The following ARHGEF3 variants were observed in gnomAD, a reference collection of about 807,000 sequenced individuals.
The protein encoded by ARHGEF3 is Rho guanine nucleotide exchange factor 3.
ARHGEF3 carries 28 observed loss-of-function variants against 63.2 expected under a neutral mutation model. The observed-to-expected ratio is 0.44, with a 90% CI of 0.33 to 0.61. The LOEUF (loss-of-function observed/expected upper bound fraction) is 0.61, where lower values mean the gene tolerates loss of function less well. Ranked by LOEUF, ARHGEF3 falls within the 20% of genes least tolerant of loss-of-function variation. The pLI, the probability that ARHGEF3 is intolerant of heterozygous loss-of-function variation, is 0.03. For synonymous variants in ARHGEF3, 266 were observed against 254.2 expected (o/e 1.05, Z -0.44); for missense variants, 533 against 659.3 (o/e 0.81, Z 2.10).
At chr3:56,842,878 T>C (rs1277545241) in intron 4 of ARHGEF3, among the ~76,000 whole-genome samples, 1 of 152,192 alleles carries the variant, frequency 6.6e-6, no homozygotes, top group Non-Finnish European at 1.5e-5. Context: ...TAGTTCATCC[T>C]TTTCTTTATT....
chr3:56,815,209 T>C (rs2038225870), intron 4 of ARHGEF3, among the ~76,000 whole-genome samples: 1 of 151,832 alleles, frequency 6.6e-6, no homozygotes, highest in African/African-American at 2.4e-5. Flanking sequence ...ATTAAGTCTG[T>C]GGTCTTGGGC....
intron 8 of ARHGEF3, among the ~76,000 whole-genome samples, chr3:56,735,479 T>G (rs1410532452): frequency 1.3e-5 from 2 of 152,100 alleles, no homozygotes; most frequent in African/African-American, 2.4e-5. Flanking sequence ...CTATCTTTGT[T>G]CTCAAAAATC....
intron 2 of ARHGEF3, among the ~76,000 whole-genome samples, chr3:56,994,038 T>C (rs531115057): frequency 2.8e-4 from 24 of 85,630 alleles, no homozygotes; most frequent in African/African-American, 1.1e-3. Context: ...CACTCCAGCC[T>C]GGGCGACAAG....
intron 3 of ARHGEF3, among the ~76,000 whole-genome samples, chr3:56,939,597 T>C (rs1481034365): frequency 6.6e-6 from 1 of 152,194 alleles, no homozygotes; most frequent in Non-Finnish European, 1.5e-5. Context: ...ATTATTTTGA[T>C]TCATCCCGAG....
intron 1 of ARHGEF3, among the ~76,000 whole-genome samples, chr3:57,042,792 G>T (rs1434911916): frequency 6.8e-6 from 1 of 147,374 alleles, no homozygotes; most frequent in Non-Finnish European, 1.5e-5. Flanking sequence ...TGCCTCCTGG[G>T]TTCAGGCCAT....
intron 4 of ARHGEF3, among the ~76,000 whole-genome samples, chr3:56,846,322 G>C (rs77702453): frequency 0.029 from 4,479 of 152,274 alleles, 213 homozygotes; most frequent in African/African-American, 0.1. Flanking sequence ...GAGGAAATAG[G>C]TATTGAATTG....
intron 4 of ARHGEF3, among the ~76,000 whole-genome samples, chr3:56,829,442 G>T (rs1165465956): frequency 1.3e-5 from 2 of 152,156 alleles, no homozygotes; most frequent in African/African-American, 4.8e-5. Context: ...ATTTGGCCCA[G>T]GTTGTTCAAA....
At chr3:56,878,625 G>T (rs2040670186) in intron 4 of ARHGEF3, among the ~76,000 whole-genome samples, 1 of 152,114 alleles carries the variant, frequency 6.6e-6, no homozygotes, top group South Asian at 2.1e-4. Context: ...AGGGGTCTTG[G>T]CTGGGATCCA....
At chr3:57,030,897 C>A (rs1404943944) in intron 2 of ARHGEF3, among the ~76,000 whole-genome samples, 1 of 152,192 alleles carries the variant, frequency 6.6e-6, no homozygotes, top group Non-Finnish European at 1.5e-5. Context: ...ACAATAAAGT[C>A]ATTTGGTTAA....
intron 2 of ARHGEF3, among the ~76,000 whole-genome samples, chr3:57,027,397 C>T (rs2107189390): frequency 6.6e-6 from 1 of 152,284 alleles, no homozygotes; most frequent in East Asian, 1.9e-4. Flanking sequence ...CAGTGGACTG[C>T]CTGGGATGAA....
intron 3 of ARHGEF3, among the ~76,000 whole-genome samples, chr3:56,946,769 A>G (rs1023657875): frequency 2.0e-5 from 3 of 152,224 alleles, no homozygotes; most frequent in Admixed American, 6.5e-5. Flanking sequence ...TTCAGGAAAC[A>G]CAGACAATGT....
chr3:56,911,111 A>T (rs2041842212), intron 3 of ARHGEF3, among the ~76,000 whole-genome samples: 1 of 152,086 alleles, frequency 6.6e-6, no homozygotes, highest in African/African-American at 2.4e-5. Flanking sequence ...CCAGAACTTG[A>T]TCCTCAGATT....
chr3:56,868,174 GA>G (rs1316860100), intron 4 of ARHGEF3, among the ~76,000 whole-genome samples: 8 of 152,028 alleles, frequency 5.3e-5, no homozygotes, highest in African/African-American at 1.9e-4. Context: ...ATGTTTCTTT[GA>G]AACTCAATGC....
chr3:56,739,363 A>G (rs2033853919), intron 7 of ARHGEF3, among the ~76,000 whole-genome samples: 1 of 151,584 alleles, frequency 6.6e-6, no homozygotes, highest in South Asian at 2.1e-4. Context: ...AATAATAATA[A>G]ATTGTATCTA....
chr3:56,821,828 G>C (rs1054181546), intron 4 of ARHGEF3, among the ~76,000 whole-genome samples: 1 of 152,094 alleles, frequency 6.6e-6, no homozygotes, highest in African/African-American at 2.4e-5. Context: ...GCCGGGCATG[G>C]TGGGGCAAGC....
chr3:56,974,679 C>G (rs1018556164), intron 2 of ARHGEF3, among the ~76,000 whole-genome samples: 1 of 152,168 alleles, frequency 6.6e-6, no homozygotes, highest in African/African-American at 2.4e-5. Flanking sequence ...CCCTGCCCCC[C>G]ACATCCATCT....
chr3:56,877,789 A>G (rs1378730685), intron 4 of ARHGEF3, among the ~76,000 whole-genome samples: 1 of 152,224 alleles, frequency 6.6e-6, no homozygotes, highest in African/African-American at 2.4e-5. Flanking sequence ...AGAAATAAAC[A>G]TCAAACTCCG....
intron 2 of ARHGEF3, among the ~76,000 whole-genome samples, chr3:57,009,705 G>A (rs1337003625): frequency 6.6e-6 from 1 of 152,172 alleles, no homozygotes; most frequent in East Asian, 1.9e-4. Context: ...GAATGCCAGG[G>A]TAAGAAGATG....
intron 2 of ARHGEF3, among the ~76,000 whole-genome samples, chr3:56,961,898 A>C (rs1054275521): frequency 6.6e-6 from 1 of 152,132 alleles, no homozygotes; most frequent in Non-Finnish European, 1.5e-5. Context: ...AAAACAAATT[A>C]GCTGGGCATT....
Sources: allele counts gnomAD v4.1 joint callset (sites outside exome capture counted in the v4.1 genomes callset), GRCh38; gene constraint gnomAD v4.1.1; transcripts MANE v1.5; gene names NCBI Gene and HGNC (gene_info 2026-07-23, HGNC 2026-07-21).